TDRD7: variants seen among roughly 807,000 people sequenced by gnomAD.
The protein encoded by TDRD7 is tudor domain-containing protein 7.
TDRD7 carries 47 observed loss-of-function variants against 109.8 expected under a neutral mutation model. The ratio of observed to expected loss-of-function variants is 0.43; its 90% confidence interval spans 0.34 to 0.55. The LOEUF is 0.55. TDRD7 is among the 20% of genes least tolerant of loss of function. The probability of loss-of-function intolerance (pLI) is 0.03; values close to 1 mark genes in which losing one functional copy is unlikely to be tolerated. For synonymous variants in TDRD7, 424 were observed against 457.3 expected, an observed-to-expected ratio of 0.93 and a Z score of 0.93; for missense variants, 1,164 against 1,319.2, an observed-to-expected ratio of 0.88 and a Z score of 1.82.
chr9:97,470,825 T>C (rs1231433268), intron 9 of TDRD7, among the ~76,000 whole-genome samples, 156 bp downstream of exon 9: 1 of 152,210 alleles, frequency 6.6e-6, no homozygotes, highest in East Asian at 1.9e-4. Flanking sequence ...CTTTATAAGA[T>C]ACCATTATAA....
intron 1 of TDRD7, among the ~76,000 whole-genome samples, chr9:97,418,304 C>T (rs1827843619): frequency 6.6e-6 from 1 of 151,976 alleles, no homozygotes; most frequent in African/African-American, 2.4e-5. Context: ...ACTTCTGTGC[C>T]GTGCAGATTC....
intron 13 of TDRD7, 115 bp from the exon 14 acceptor site, chr9:97,480,713 G>T: frequency 3.5e-6 from 3 of 849,468 alleles, no homozygotes; most frequent in Non-Finnish European, 4.0e-6. Flanking sequence ...ATTAGCTGTT[G>T]TTGCTTGCTG....
At chr9:97,463,714 TC>T (rs1218357337) in intron 7 of TDRD7, among the ~76,000 whole-genome samples, 2 of 152,160 alleles carry the variant, frequency 1.3e-5, no homozygotes, top group African/African-American at 2.4e-5. Context: ...CTGGACGAAA[TC>T]ATCTCTGAGG....
chr9:97,470,467 T>C, intron 8 of TDRD7, 91 bp from the exon 9 acceptor site: 1 of 1,219,976 alleles, frequency 8.2e-7, no homozygotes, highest in Non-Finnish European at 1.2e-6. Context: ...AGCTTGCTGA[T>C]CATGGAATAA....
intron 6 of TDRD7, among the ~76,000 whole-genome samples, chr9:97,458,341 G>A (rs35000942): frequency 0.022 from 3,389 of 152,272 alleles, 54 homozygotes; most frequent in Non-Finnish European, 0.035. Context: ...CTCCGAAAGT[G>A]TGCGTTTCAA....
intron 1 of TDRD7, among the ~76,000 whole-genome samples, chr9:97,417,042 G>C (rs1034645415): frequency 3.3e-5 from 5 of 152,296 alleles, no homozygotes; most frequent in African/African-American, 1.2e-4. Flanking sequence ...AGGCCTTACT[G>C]TGGAGGTGAC....
intron 12 of TDRD7, 61 bp downstream of exon 12, chr9:97,475,530 C>G: frequency 8.2e-7 from 1 of 1,215,166 alleles, no homozygotes; most frequent in Admixed American, 1.9e-5. Context: ...CAAATATACA[C>G]ATAGGTTTTT....
intron 16 of TDRD7, among the ~76,000 whole-genome samples, chr9:97,488,539 C>T (rs540645216): frequency 6.8e-6 from 1 of 147,454 alleles, no homozygotes; most frequent in African/African-American, 2.5e-5. Context: ...TAGATTCAGA[C>T]CTTCTTCTTC....
In TDRD7 at chr9:97,487,276, C is replaced by T. The variant is rs1416598526; in HGVS notation, c.3020C>T (p.Pro1007Leu). The change falls in exon 16 of 17, where the codon CCC (proline) becomes CTC (leucine). Residue 1007 changes from proline (P) to leucine (L), a missense_variant. By Grantham distance (98) the Pro-to-Leu change is moderately conservative (BLOSUM62 -3). Coordinates refer to ENST00000355295, the MANE Select transcript of TDRD7 (RefSeq NM_014290.3). Reference sequence around the variant, plus strand: ...TTAGTCAACATAAGAAAAGTACAGCCCCTAGTGGACATGTTCCGAAAGCTG... The same window carrying T: ...TTAGTCAACATAAGAAAAGTACAGCTCCTAGTGGACATGTTCCGAAAGCTG... ...HELVNIRKVQ[P>L]LVDMFRKLPF... 1 of 1,613,906 alleles carries T rather than the reference C, an allele frequency of 6.2e-7. No homozygotes were observed. Among genetic ancestry groups the T allele is most frequent in the African/African-American group, 1.3e-5 (1 of 74,974 alleles).
rs576137596 is a variant in TDRD7 at position 97,492,563 on chromosome 9, G to C, written c.3077-3100G>C. Among the ~76,000 whole-genome samples, 14 of 152,310 alleles carry C rather than the reference G, an allele frequency of 9.2e-5. No homozygotes were observed. In the South Asian group the frequency reaches 1.9e-3, roughly 20 times the overall value. ...AAATTCCTATCCTGTCTATGTGACT[G>C]AACTAATATGTGGATCAGATGAAAA... On this transcript the variant is annotated intron_variant, in intron 16 of 16. Transcript: ENST00000355295.
intron 16 of TDRD7, among the ~76,000 whole-genome samples, chr9:97,490,551 G>GGGC (rs1554750860): frequency 2.2e-5 from 3 of 135,886 alleles, no homozygotes; most frequent in African/African-American, 8.3e-5. Context: ...TATTTTGGTG[G>GGGC]GGGGGGGGGC....
chr9:97,490,600 A>G (rs1469692455), intron 16 of TDRD7, among the ~76,000 whole-genome samples: 1 of 151,460 alleles, frequency 6.6e-6, no homozygotes, highest in Non-Finnish European at 1.5e-5. Context: ...TCCTAGATCA[A>G]TGATTTAGTG....
intron 6 of TDRD7, among the ~76,000 whole-genome samples, chr9:97,458,678 A>C (rs2131146975): frequency 6.6e-6 from 1 of 152,328 alleles, no homozygotes; most frequent in African/African-American, 2.4e-5. Context: ...CTCAGTCCTC[A>C]AAACTTAAGC....
rs186876252 is a variant in TDRD7, at chr9:97,460,627, G to A, written c.1305G>A (p.Leu435=). 6.2e-7 allele frequency: 1 copy of A among 1,614,066 alleles called. No individual in the cohort carries two copies. Among genetic ancestry groups the A allele is most frequent in the Non-Finnish European group, 8.5e-7 (1 of 1,180,028 alleles). ...DIKAMVEQEY[L]QVEESIAESA... is the part of the protein sequence containing the mutation. Reference sequence around the variant, plus strand: ...AGGCTATGGTTGAACAAGAGTATTTGCAGGTAGAAGAAAGCATTGCTGAAA... The same window carrying A: ...AGGCTATGGTTGAACAAGAGTATTTACAGGTAGAAGAAAGCATTGCTGAAA... Residue 435 remains leucine (L), a synonymous_variant, in exon 7 of 17, where the codon TTG becomes TTA. Coordinates refer to ENST00000355295, the MANE Select transcript of TDRD7 (RefSeq NM_014290.3).
At chr9:97,461,211 T>C (rs138596151) in intron 7 of TDRD7, among the ~76,000 whole-genome samples, 370 of 152,176 alleles carry the variant, frequency 2.4e-3, no homozygotes, top group African/African-American at 8.6e-3. Flanking sequence ...TGTATTAATA[T>C]TTGTTAATTG....
At chr9:97,460,044 A>C in intron 6 of TDRD7, 134 bp from the exon 7 acceptor site, 1 of 762,154 alleles carries the variant, frequency 1.3e-6, no homozygotes, top group Non-Finnish European at 2.3e-6. Context: ...AAGTCCTAGC[A>C]ATTGAAAAGA....
chr9:97,458,610 G>A (rs1222665315), intron 6 of TDRD7, among the ~76,000 whole-genome samples: 1 of 152,178 alleles, frequency 6.6e-6, no homozygotes, highest in South Asian at 2.1e-4. Context: ...ATTACAGGAG[G>A]TGCCATTAGA....
intron 1 of TDRD7, among the ~76,000 whole-genome samples, chr9:97,416,101 G>C (rs1201437090): frequency 6.6e-6 from 1 of 152,198 alleles, no homozygotes; most frequent in Non-Finnish European, 1.5e-5. Context: ...AGGTTTTACT[G>C]CATTTAACTG....
chr9:97,490,011 G>C (rs6478231), intron 16 of TDRD7, among the ~76,000 whole-genome samples: 81,185 of 151,932 alleles, frequency 0.53, 21,937 homozygotes, highest in African/African-American at 0.61. Flanking sequence ...CATATAAGCA[G>C]ATACATGCAC....
Sources: allele counts gnomAD v4.1 joint callset (sites outside exome capture counted in the v4.1 genomes callset), GRCh38; gene constraint gnomAD v4.1.1; transcripts MANE v1.5; gene names NCBI Gene and HGNC (gene_info 2026-07-23, HGNC 2026-07-21).